The following PCDHA3 variants were observed in gnomAD, a reference collection of about 807,000 sequenced individuals.
The protein encoded by PCDHA3 is protocadherin alpha 3.
A neutral mutation model predicts 62.2 loss-of-function variants in PCDHA3; 41 were observed. The observed-to-expected ratio is 0.66, with a 90% CI of 0.51 to 0.86. The LOEUF (loss-of-function observed/expected upper bound fraction) is 0.86. PCDHA3 is among the 40% of genes least tolerant of loss of function. The pLI is 0.00. For synonymous variants in PCDHA3, 640 were observed against 555.4 expected, an observed-to-expected ratio of 1.15 and a Z score of -2.14; for missense variants, 1,304 against 1,241.2, an observed-to-expected ratio of 1.05 and a Z score of -0.76.
chr5:140,803,060 G>T lies in PCDHA3; in HGVS notation c.1863G>T (p.Pro621=). ...CTGGGACCGGCGGTGCGCGCATCCC[G>T]TTTCGCGTGGGGCTGTACACGGGAG... ...LQPGTGGARI[P]FRVGLYTGEI... Residue 621 remains proline (P), a synonymous_variant, in exon 1 of 4, where the codon CCG becomes CCT. Transcript: ENST00000522353. The T allele has an allele frequency of 1.3e-5, 21 of 1,613,978 alleles. No individual in the cohort carries two copies. Among genetic ancestry groups the T allele is most frequent in the Non-Finnish European group, 1.8e-5 (21 of 1,179,946 alleles).
intron 3 of PCDHA3, among the ~76,000 whole-genome samples, chr5:141,003,897 T>G (rs1554259369): frequency 6.6e-6 from 1 of 152,132 alleles, no homozygotes; most frequent in Non-Finnish European, 1.5e-5. Flanking sequence ...ACAGGCCCAT[T>G]CATTTGGGTC....
At chr5:140,853,228 T>C (rs2042677094) in intron 1 of PCDHA3, 2 of 982,222 alleles carry the variant, frequency 2.0e-6, no homozygotes, top group Non-Finnish European at 2.5e-6. Flanking sequence ...ATTGGTAATT[T>C]AGTCCTTCAT....
chr5:140,869,229 C>G, intron 1 of PCDHA3: 1 of 1,613,752 alleles, frequency 6.2e-7, no homozygotes, highest in Non-Finnish European at 8.5e-7. Context: ...CCAAACACGG[C>G]ACCTTCGTGG....
chr5:140,869,283 G>A, intron 1 of PCDHA3: 2 of 1,613,602 alleles, frequency 1.2e-6, no homozygotes, highest in Non-Finnish European at 1.7e-6. Flanking sequence ...CGGAGCTGGT[G>A]CAGCGCCTGT....
chr5:140,843,200 T>C (rs1554139863), intron 1 of PCDHA3: 1 of 1,595,954 alleles, frequency 6.3e-7, no homozygotes, highest in Non-Finnish European at 8.6e-7. Context: ...CGTGGGGCTG[T>C]ACACGGGCGA....
intron 3 of PCDHA3, among the ~76,000 whole-genome samples, chr5:140,984,589 T>C (rs2097109638): frequency 6.6e-6 from 1 of 152,186 alleles, no homozygotes; most frequent in Non-Finnish European, 1.5e-5. Flanking sequence ...ATCATACTTT[T>C]CAATACATAC....
chr5:140,838,266 A>G (rs1554136963), intron 1 of PCDHA3, among the ~76,000 whole-genome samples: 4 of 140,468 alleles, frequency 2.8e-5, no homozygotes, highest in Non-Finnish European at 6.1e-5. Flanking sequence ...GACGCCAACA[A>G]CCAAGCCATG....
At chr5:140,978,319 A>G (rs1294780698) in intron 1 of PCDHA3, among the ~76,000 whole-genome samples, 2 of 152,216 alleles carry the variant, frequency 1.3e-5, no homozygotes, top group Admixed American at 1.3e-4. Context: ...AGCAGGAACA[A>G]GTACAAGTTT....
intron 1 of PCDHA3, among the ~76,000 whole-genome samples, chr5:140,855,276 C>T (rs991955993): frequency 1.3e-5 from 2 of 149,614 alleles, no homozygotes; most frequent in Non-Finnish European, 3.0e-5. Flanking sequence ...CACTCAACCA[C>T]CGTATTACTA....
intron 1 of PCDHA3, among the ~76,000 whole-genome samples, chr5:140,975,124 C>T (rs560299893): frequency 6.6e-6 from 1 of 152,268 alleles, no homozygotes; most frequent in African/African-American, 2.4e-5. Flanking sequence ...TTCCTACTTA[C>T]TATTGGCCTG....
Position 140,807,950 on chromosome 5 carries a change from G to C in PCDHA3, c.2394+4359G>C, listed in dbSNP as rs201004244. ...TTATAAGGTGAGATTACTAGAAAATGTTCCTAATGGAACATTGGTAATTAA... is the reference window on the plus strand; with the variant it reads ...TTATAAGGTGAGATTACTAGAAAATCTTCCTAATGGAACATTGGTAATTAA... On this transcript the variant is annotated intron_variant, in intron 1 of 3. Coordinates refer to ENST00000522353, the MANE Select transcript of PCDHA3 (RefSeq NM_018906.3). The C allele has an allele frequency of 1.9e-4, 306 of 1,614,074 alleles. 1 individual carries two copies. In the South Asian group the frequency reaches 1.9e-3, roughly 10 times the overall value.
intron 1 of PCDHA3, among the ~76,000 whole-genome samples, chr5:140,964,683 G>T (rs2095848322): frequency 6.6e-6 from 1 of 151,914 alleles, no homozygotes; most frequent in South Asian, 2.1e-4. Flanking sequence ...CACAATTTGT[G>T]CACTTGAGAG....
rs1245341216 is a variant in PCDHA3, at chr5:140,807,026, A to C, written c.2394+3435A>C. 15 of 852,748 alleles carry C rather than the reference A, an allele frequency of 1.8e-5. 1 individual carries two copies. The highest frequency in any genetic ancestry group is 5.0e-5 in the East Asian group (2 of 39,752). The allele number at this position is 852,748 out of a possible 1,614,324, so 52.8% of individuals were successfully genotyped here. On this transcript the variant is annotated intron_variant, in intron 1 of 3. Transcript: ENST00000522353. Reference sequence around the variant, plus strand: ...TTACCACAAAATACATGAGAGAAGGAGGAAGAAGGGAAAATTCCTTCTATT... The same window carrying C: ...TTACCACAAAATACATGAGAGAAGGCGGAAGAAGGGAAAATTCCTTCTATT...
rs782201569 is a variant in PCDHA3 at position 140,803,138 on chromosome 5, A to G, written c.1941A>G (p.Leu647=). 7 of 1,613,718 alleles carry G rather than the reference A, an allele frequency of 4.3e-6. No homozygotes were observed. The highest frequency in any genetic ancestry group is 2.2e-5 in the East Asian group (1 of 44,882). The change falls in exon 1 of 4, where the codon CTA becomes CTG. Residue 647 remains leucine, a synonymous_variant. Transcript: ENST00000522353. The part of the protein sequence containing the change: ...LDEVDAPRHR[L]LVLVKDHGEP... ...AGGTGGACGCCCCGCGCCATCGCCT[A>G]CTGGTGCTGGTGAAGGACCACGGTG...
chr5:140,842,949 C>A lies in PCDHA3; in HGVS notation c.2394+39358C>A, dbSNP rs2150348537. ...GTGAGCGCGCGCGACGCGGGCGTGC[C>A]GCCTCTGGGCAGCAACGTGACGCTG... On this transcript the variant is annotated intron_variant, in intron 1 of 3. Coordinates refer to ENST00000522353, the MANE Select transcript of PCDHA3 (RefSeq NM_018906.3). 3.3e-3 allele frequency: 5,193 copies of A among 1,594,666 alleles called. 424 individuals are homozygous for A. The African/African-American group carries it at 0.061, about 19-fold the overall frequency.
rs1291413682 is a variant in PCDHA3, at chr5:140,856,005, C to G, written c.2394+52414C>G. ...GAAAATGTCAGATCGTATGTGCGTT[C>G]TAGACCGCTGATTCGTCGATTTGTA... is the stretch of plus-strand genomic sequence containing the variant. On this transcript the variant is annotated intron_variant, in intron 1 of 3. Coordinates refer to ENST00000522353, the MANE Select transcript of PCDHA3 (RefSeq NM_018906.3). 6.5e-6 allele frequency: 10 copies of G among 1,538,764 alleles called. 3 individuals carry two copies. In the African/African-American group the frequency reaches 1.4e-4, roughly 21 times the overall value.
intron 3 of PCDHA3, among the ~76,000 whole-genome samples, chr5:140,985,773 T>C (rs945442566): frequency 7.2e-6 from 1 of 138,872 alleles, no homozygotes; most frequent in South Asian, 2.4e-4. Context: ...ACAGTCTCGC[T>C]CTGTCGCCCA....
At chr5:140,863,267 C>A in intron 1 of PCDHA3, 4 of 1,457,908 alleles carry the variant, frequency 2.7e-6, no homozygotes, top group Non-Finnish European at 2.8e-6. Context: ...CGGGAGGCAG[C>A]GCTGGTGGAT....
At chr5:140,882,699 A>C in intron 1 of PCDHA3, 3 of 1,614,184 alleles carry the variant, frequency 1.9e-6, no homozygotes, top group South Asian at 1.1e-5. Context: ...ATCATTGCAG[A>C]ATCTAGACCT....
Sources: gnomAD v4.1 joint callset for allele counts (sites outside exome capture counted in the v4.1 genomes callset) on GRCh38, gnomAD v4.1.1 for gene constraint, MANE v1.5 for transcripts, NCBI Gene and HGNC (gene_info 2026-07-23, HGNC 2026-07-21) for gene names.